Variants in LINGO1 observed in about 807,000 individuals in gnomAD.
The protein encoded by LINGO1 is leucine-rich repeat and immunoglobulin-like domain-containing nogo receptor-interacting protein 1.
A neutral mutation model predicts 37.3 loss-of-function variants in LINGO1; 11 were observed. That is an observed-to-expected ratio of 0.29 (90% CI 0.19 to 0.49). LINGO1 has a LOEUF of 0.49. Among genes scored for constraint, LINGO1 ranks in the 20% least tolerant of loss-of-function variants. LINGO1 has a pLI of 0.99. For synonymous variants in LINGO1, 387 were observed against 403.0 expected, an observed-to-expected ratio of 0.96 and a Z score of 0.48; for missense variants, 585 against 878.2, an observed-to-expected ratio of 0.67 and a Z score of 4.22.
intron 1 of LINGO1, among the ~76,000 whole-genome samples, chr15:77,779,671 T>C (rs1460329199): frequency 2.0e-5 from 3 of 152,086 alleles, no homozygotes; most frequent in African/African-American, 7.2e-5. Context: ...TAATGCAAGC[T>C]ATGGGGAGTA....
At position 77,761,093 on chromosome 15, in the gene LINGO1, AT is replaced by A. The variant is rs111468790; in HGVS notation, c.-257+25775del. Among the ~76,000 whole-genome samples the A allele has an allele frequency of 6.6e-3, 929 of 140,342 alleles. 2 individuals are homozygous for A. The highest frequency in any genetic ancestry group is 0.014 in the Middle Eastern group (4 of 276). 92.1% of individuals were successfully genotyped at this position (140,342 alleles called of 152,430 possible). ...AGGTGCGTGCCACCATGCCTGGCTAATTTTTTTTTTTTTTGTATTTTTAGTA... is the reference window on the plus strand; with the variant it reads ...AGGTGCGTGCCACCATGCCTGGCTAATTTTTTTTTTTTTGTATTTTTAGTA... On this transcript the variant is annotated intron_variant, in intron 1 of 3. Coordinates refer to the LINGO1 transcript ENST00000561686.
intron 1 of LINGO1, among the ~76,000 whole-genome samples, chr15:77,766,109 C>G (rs2076525176): frequency 1.3e-5 from 2 of 151,868 alleles, no homozygotes; most frequent in Non-Finnish European, 2.9e-5. Context: ...GGGAAGCAAA[C>G]AGAAACAAAA....
chr15:77,741,745 G>A (rs2076266851), intron 1 of LINGO1, among the ~76,000 whole-genome samples: 1 of 152,252 alleles, frequency 6.6e-6, no homozygotes, highest in African/African-American at 2.4e-5. Context: ...ATCAGGTACA[G>A]TTGGAGGTAA....
intron 1 of LINGO1, among the ~76,000 whole-genome samples, chr15:77,626,484 TA>T (rs1216873858): frequency 6.6e-6 from 1 of 152,170 alleles, no homozygotes; most frequent in Non-Finnish European, 1.5e-5. Flanking sequence ...TCCAACCTGG[TA>T]AACTGAGCCC....
At chr15:77,647,759 T>C in intron 3 of LINGO1, 1 of 428,652 alleles carries the variant, frequency 2.3e-6, no homozygotes, top group East Asian at 7.0e-5. Context: ...CTAACTGCTT[T>C]GCCCTTCCCT....
intron 1 of LINGO1, among the ~76,000 whole-genome samples, chr15:77,764,496 A>G (rs2076507926): frequency 6.6e-6 from 1 of 152,238 alleles, no homozygotes; most frequent in Non-Finnish European, 1.5e-5. Context: ...AATAAGAAAA[A>G]GACAAATCAC....
rs1190664274 is a variant in LINGO1, at chr15:77,677,345, C to A, written c.-98-171G>T. Among the ~76,000 whole-genome samples the A allele has an allele frequency of 2.0e-5, 3 of 152,236 alleles. No individual in the cohort carries two copies. The East Asian group carries it at 5.8e-4, about 29-fold the overall frequency. ...TGCTCCTCAGTGCCATCCCTACCCA[C>A]TTCCCAGCACCCTGGAGTGGCCAGC... On this transcript the variant is annotated intron_variant, in intron 2 of 3. Coordinates refer to the LINGO1 transcript ENST00000559893.
At chr15:77,655,443 C>T (rs1262440341) in intron 3 of LINGO1, among the ~76,000 whole-genome samples, 6 of 152,242 alleles carry the variant, frequency 3.9e-5, no homozygotes, top group East Asian at 1.9e-4. Context: ...AACATAGACA[C>T]GCTGGGTCCT....
In LINGO1 at chr15:77,785,166, C is replaced by T. The variant is rs187616707; in HGVS notation, c.-257+1703G>A. On this transcript the variant is annotated intron_variant, in intron 1 of 3. Transcript: ENST00000561686. Reference sequence around the variant, plus strand: ...ACACAAACCCAAGTTGGGAGTGAGTCTGACTCAGGGCCTGGCACACAGTGG... The same window carrying T: ...ACACAAACCCAAGTTGGGAGTGAGTTTGACTCAGGGCCTGGCACACAGTGG... The T allele has an allele frequency of 2.7e-3, 419 of 152,392 alleles. 2 individuals carry two copies. The highest frequency in any genetic ancestry group is 9.8e-3 in the African/African-American group (408 of 41,576). The allele number at this position is 152,392 out of a possible 1,614,324, so 9.4% of individuals were successfully genotyped here. A position where few individuals can be genotyped will look rare whatever the true frequency, so the allele number is the denominator to read the frequency against.
chr15:77,785,983 G>C (rs932128946), intron 1 of LINGO1, among the ~76,000 whole-genome samples: 4 of 152,186 alleles, frequency 2.6e-5, no homozygotes, highest in South Asian at 2.1e-4. Flanking sequence ...GAAGGGCACA[G>C]AGAACTCCCA....
chr15:77,662,704 C>T (rs1349870118), intron 3 of LINGO1, among the ~76,000 whole-genome samples: 1 of 152,176 alleles, frequency 6.6e-6, no homozygotes, highest in Non-Finnish European at 1.5e-5. Flanking sequence ...CTTCTGAAGC[C>T]AGAAGGTCTC....
At chr15:77,621,083 C>T (rs1411604248) in intron 1 of LINGO1, among the ~76,000 whole-genome samples, 1 of 148,974 alleles carries the variant, frequency 6.7e-6, no homozygotes, top group Admixed American at 6.7e-5. Flanking sequence ...TAGATGGAGT[C>T]TCACTGTGTT....
chr15:77,742,381 C>A (rs924822454), intron 1 of LINGO1, among the ~76,000 whole-genome samples: 1 of 152,226 alleles, frequency 6.6e-6, no homozygotes, highest in Admixed American at 6.5e-5. Context: ...ACTTCCTGAG[C>A]ACTTCCAGGT....
Position 77,615,859 on chromosome 15 carries a change from G to A in LINGO1, c.48C>T (p.Pro16=), listed in dbSNP as rs1476762168. The A allele has an allele frequency of 6.0e-6, 9 of 1,489,834 alleles. No homozygotes were observed. The highest frequency in any genetic ancestry group is 7.1e-6 in the Non-Finnish European group (8 of 1,126,808). The allele number at this position is 1,489,834 out of a possible 1,614,324, so 92.3% of individuals were successfully genotyped here. A position where few individuals can be genotyped will look rare whatever the true frequency, so the allele number is the denominator to read the frequency against. ...RMLAGGVRSM[P]SPLLACWQPI... The stretch of plus-strand genomic sequence containing the variant: ...GCTGCCAGCAGGCCAGGAGGGGGCT[G>A]GGCATGCTCCTCACGCCCCCCGCCA... The change falls in exon 2 of 2, where the codon CCC becomes CCT. Residue 16 remains proline, a synonymous_variant. Transcript: ENST00000355300.
intron 2 of LINGO1, among the ~76,000 whole-genome samples, chr15:77,683,580 A>G (rs992082853): frequency 3.9e-5 from 6 of 152,192 alleles, no homozygotes; most frequent in Non-Finnish European, 8.8e-5. Flanking sequence ...TGATGCCCAC[A>G]ATATACTGGG....
intron 1 of LINGO1, among the ~76,000 whole-genome samples, chr15:77,811,116 C>T (rs760374485): frequency 1.6e-4 from 25 of 151,654 alleles, no homozygotes; most frequent in Non-Finnish European, 3.2e-4. Context: ...CCCAACCCCT[C>T]CTGCCAGGCC....
chr15:77,782,212 TACACACACAC>T (rs56734688), intron 1 of LINGO1, among the ~76,000 whole-genome samples: 3,604 of 150,108 alleles, frequency 0.024, 70 homozygotes, highest in South Asian at 0.051. Context: ...TGCGCACGCG[TACACACACAC>T]ACACACACAC....
intron 1 of LINGO1, among the ~76,000 whole-genome samples, chr15:77,796,859 T>C (rs1301599830): frequency 6.6e-6 from 1 of 152,152 alleles, no homozygotes; most frequent in Admixed American, 6.5e-5. Context: ...TACAGTTGTG[T>C]GTATCACCAC....
rs1282883239 is a variant in LINGO1, at chr15:77,632,740, C to T, written c.-425G>A. Among the ~76,000 whole-genome samples the T allele has an allele frequency of 6.9e-6, 1 of 145,640 alleles. No individual in the cohort carries two copies. Among genetic ancestry groups the T allele is most frequent in the Non-Finnish European group, 1.5e-5 (1 of 65,652 alleles). On this transcript the variant is annotated 5_prime_UTR_variant, in exon 1 of 2. Transcript: ENST00000355300. The surrounding 1 kb of genome is among the most constrained non-coding windows in gnomAD (Gnocchi z 6.0). ...CGGCCGCGCATGCTGCTCGGCGCCC[C>T]GCGTCGGGAGAGGGGCCGGAGCGGC...
Sources: gnomAD v4.1 joint callset for allele counts (sites outside exome capture counted in the v4.1 genomes callset) on GRCh38, gnomAD v4.1.1 for gene constraint, Gnocchi (gnomAD v3.1) non-coding constraint, MANE v1.5 for transcripts, NCBI Gene and HGNC (gene_info 2026-07-23, HGNC 2026-07-21) for gene names.